The following SF1 variants were observed in gnomAD, a reference collection of about 807,000 sequenced individuals.
The protein encoded by SF1 is splicing factor 1.
A neutral mutation model predicts 62.5 loss-of-function variants in SF1; 7 were observed. The observed-to-expected ratio is 0.11, with a 90% CI of 0.06 to 0.21. The LOEUF (loss-of-function observed/expected upper bound fraction) is 0.21, where lower values mean the gene tolerates loss of function less well. Ranked by LOEUF, SF1 falls within the 10% of genes least tolerant of loss-of-function variation. The probability of loss-of-function intolerance (pLI) is 1.00; values close to 1 mark genes in which losing one functional copy is unlikely to be tolerated. For synonymous variants in SF1, 394 were observed against 323.6 expected (o/e 1.22, Z -2.33); for missense variants, 578 against 884.0 (o/e 0.65, Z 4.39).
At chr11:64,769,657 A>T in intron 5 of SF1, 48 bp from the exon 6 acceptor site, 1 of 1,532,340 alleles carries the variant, frequency 6.5e-7, no homozygotes, top group Admixed American at 1.8e-5. Flanking sequence ...ATTCACACTC[A>T]AGAGGGAAGA....
At chr11:64,769,198 A>T in intron 7 of SF1, 25 bp downstream of exon 7, 1 of 1,610,990 alleles carries the variant, frequency 6.2e-7, no homozygotes, top group East Asian at 2.2e-5. Flanking sequence ...AGGTCTCTAC[A>T]CTCTCCTTTA....
intron 2 of SF1, among the ~76,000 whole-genome samples, chr11:64,775,571 G>A (rs898093533): frequency 6.6e-6 from 1 of 152,192 alleles, no homozygotes; most frequent in African/African-American, 2.4e-5. Context: ...GTAGTAACAT[G>A]CTGGCCTTGA....
At position 64,774,240 on chromosome 11, in the gene SF1, G is replaced by A. The variant is rs376457372; in HGVS notation, c.161-735C>T. On this transcript the variant is annotated intron_variant, in intron 2 of 12. Transcript: ENST00000377390. ...CTAAGAATTTGTTTTCAGGCTCACT[G>A]TTCATATGGGGAGCAGGCGTGTAGA... 1.6e-4 allele frequency among the ~76,000 whole-genome samples: 25 copies of A among 152,334 alleles called. 1 individual carries two copies. The East Asian group carries it at 3.5e-3, about 21-fold the overall frequency.
chr11:64,767,690 T>C lies in SF1; in HGVS notation c.1223A>G (p.His408Arg), dbSNP rs773898642. Residue 408 changes from histidine (H) to arginine (R), a missense_variant, in exon 10 of 13, where the codon CAT (histidine) becomes CGT (arginine). Around this residue, in one of 7 missense-constraint regions of SF1, gnomAD observed 410 missense variants for 452.4 expected, o/e 0.91. Coordinates refer to ENST00000377390, the MANE Select transcript of SF1 (RefSeq NM_004630.4). Reference protein sequence around the residue: ...PHPLPSLTGGHGGHPMQHNPN... With the variant: ...PHPLPSLTGGRGGHPMQHNPN... ...GTTGTGCTGCATGGGATGTCCACCA[T>C]GCCCACCTGTCAGGCTGGGTAATGG... 6.2e-7 allele frequency: 1 copy of C among 1,611,058 alleles called. No homozygotes were observed. Among genetic ancestry groups the C allele is most frequent in the South Asian group, 1.1e-5 (1 of 90,870 alleles).
rs1245648200 is a variant in SF1, at chr11:64,778,214, G to A, written c.31+148C>T. On this transcript the variant is annotated intron_variant, in intron 1 of 12. Coordinates refer to ENST00000377390, the MANE Select transcript of SF1 (RefSeq NM_004630.4). Reference sequence around the variant, plus strand: ...CAGCGCCGCGAAGGGGAAGGCCGCGGTCAGGGCCCCCATCGAGCCCACGGG... The same window carrying A: ...CAGCGCCGCGAAGGGGAAGGCCGCGATCAGGGCCCCCATCGAGCCCACGGG... The A allele has an allele frequency of 1.4e-5, 16 of 1,143,626 alleles. No individual in the cohort carries two copies. In the East Asian group the frequency reaches 1.4e-4, roughly 10 times the overall value. 70.8% of individuals were successfully genotyped at this position (1,143,626 alleles called of 1,614,324 possible).
Position 64,765,480 on chromosome 11 carries a change from C to G in SF1, c.*338G>C, listed in dbSNP as rs758524634. ...CACCAATGGGCGCGGAAAGTCCTCA[C>G]TCTCATGGCTCGGGCCATCGCCGCC... On this transcript the variant is annotated 3_prime_UTR_variant, in exon 13 of 13. Transcript: ENST00000377390. 2 of 1,613,310 alleles carry G rather than the reference C, an allele frequency of 1.2e-6. No homozygotes were observed. Among genetic ancestry groups the G allele is most frequent in the South Asian group, 2.2e-5 (2 of 91,016 alleles).
At chr11:64,770,555 G>A (rs1317809379) in intron 3 of SF1, 147 bp from the exon 4 acceptor site, 2 of 824,340 alleles carry the variant, frequency 2.4e-6, no homozygotes, top group African/African-American at 1.7e-5. Context: ...TGCTACTCAA[G>A]ATCGTGTGGA....
At position 64,769,239 on chromosome 11, in the gene SF1, G is replaced by T. The variant is rs866299948; in HGVS notation, c.763C>A (p.Arg255=). The T allele has an allele frequency of 9.3e-6, 15 of 1,614,080 alleles. No individual in the cohort carries two copies. The highest frequency in any genetic ancestry group is 1.6e-4 in the Middle Eastern group (1 of 6,062). ...ATCACATACCTGTTATCGTCTTCCC[G>T]AAGGGTCCCATTTAAGCGAGCCAAC... ...RELARLNGTL[R]EDDNRILRPW... The change falls in exon 7 of 13, where the codon CGG becomes AGG. Residue 255 remains arginine, a synonymous_variant. Transcript: ENST00000377390.
At chr11:64,770,465 G>T in intron 3 of SF1, 57 bp from the exon 4 acceptor site, 1 of 1,574,454 alleles carries the variant, frequency 6.4e-7, no homozygotes, top group South Asian at 1.1e-5. Context: ...ATTCCCACAC[G>T]GACTATAACA....
chr11:64,777,866 GCCTCCCCGTGCGCGCACGCGCGCCC>G (rs1939601757), intron 1 of SF1: 1 of 933,302 alleles, frequency 1.1e-6, no homozygotes, highest in South Asian at 4.9e-5. Flanking sequence ...CTCCGCCCGG[GCCTCCCCGTGCGCGCACGCGCGCCC>G]CTGCCGCGTG....
intron 2 of SF1, among the ~76,000 whole-genome samples, chr11:64,774,919 C>A (rs1338372696): frequency 6.6e-6 from 1 of 150,976 alleles, no homozygotes. Flanking sequence ...CGAGATCGCA[C>A]CACTACACTC....
At position 64,778,503 on chromosome 11, in the gene SF1, C is replaced by A. The variant is rs1295629539; in HGVS notation, c.-111G>T. On this transcript the variant is annotated 5_prime_UTR_variant, in exon 1 of 13. Coordinates refer to ENST00000377390, the MANE Select transcript of SF1 (RefSeq NM_004630.4). ...ATGCGCTGCCGGAGCGCGCGGAGCC[C>A]GTCCTCTCACGCGGCGGGCGGCGGC... is the stretch of plus-strand genomic sequence containing the variant. The A allele has an allele frequency of 1.5e-5, 18 of 1,178,664 alleles. No individual in the cohort carries two copies. Among genetic ancestry groups the A allele is most frequent in the South Asian group, 4.2e-5 (1 of 23,830 alleles). The allele number at this position is 1,178,664 out of a possible 1,614,324, so 73.0% of individuals were successfully genotyped here. A position where few individuals can be genotyped will look rare whatever the true frequency, so the allele number is the denominator to read the frequency against.
At position 64,764,935 on chromosome 11, in the gene SF1, C is replaced by CCAGGCTGG. The variant is rs1946229363; in HGVS notation, c.*875_*882dup. On this transcript the variant is annotated 3_prime_UTR_variant, in exon 13 of 13. Coordinates refer to ENST00000377390, the MANE Select transcript of SF1 (RefSeq NM_004630.4). ...GTGATCAAGGAGCACAGGAAGAACT[C>CCAGGCTGG]CAGGCTGGCAGGCGAGCCCGAGGGA... 5.2e-5 allele frequency: 8 copies of CCAGGCTGG among 152,428 alleles called. No individual in the cohort carries two copies. Among genetic ancestry groups the CCAGGCTGG allele is most frequent in the Admixed American group, 5.2e-4 (8 of 15,288 alleles). The allele number at this position is 152,428 out of a possible 1,614,324, so 9.4% of individuals were successfully genotyped here. A position where few individuals can be genotyped will look rare whatever the true frequency, so the allele number is the denominator to read the frequency against.
intron 3 of SF1, chr11:64,772,686 T>A: frequency 2.0e-6 from 2 of 985,324 alleles, no homozygotes; most frequent in Non-Finnish European, 2.4e-6. Context: ...AATCAGCTAA[T>A]AAAATTCCAG....
intron 2 of SF1, among the ~76,000 whole-genome samples, chr11:64,775,829 C>T (rs1360741692): frequency 6.6e-6 from 1 of 152,020 alleles, no homozygotes; most frequent in Non-Finnish European, 1.5e-5. Flanking sequence ...CAAATAAAAC[C>T]TTTTTATCCT....
At chr11:64,777,852 G>C in intron 1 of SF1, 1 of 948,046 alleles carries the variant, frequency 1.1e-6, no homozygotes, top group Non-Finnish European at 1.3e-6. Context: ...GCGCCCAGGG[G>C]CGCCTCCGCC....
chr11:64,772,247 C>T, intron 3 of SF1: 1 of 984,698 alleles, frequency 1.0e-6, no homozygotes, highest in Non-Finnish European at 1.2e-6. Flanking sequence ...GACTGGTGAC[C>T]TGTAGACATA....
chr11:64,769,144 A>G lies in SF1; in HGVS notation c.780-15T>C. 1.2e-6 allele frequency: 2 copies of G among 1,612,660 alleles called. No individual in the cohort carries two copies. Among genetic ancestry groups the G allele is most frequent in the Non-Finnish European group, 1.7e-6 (2 of 1,178,648 alleles). On this transcript the variant is annotated splice_polypyrimidine_tract_variant and intron_variant, in intron 7 of 12. Coordinates refer to ENST00000377390, the MANE Select transcript of SF1 (RefSeq NM_004630.4). ...GTCTTAAGATCCTATTAAAGGAAAA[A>G]GAGGTCAATGCAAGGGAACAATCTC...
intron 12 of SF1, 66 bp from the exon 13 acceptor site, chr11:64,766,221 C>T: frequency 2.8e-6 from 3 of 1,086,440 alleles, no homozygotes; most frequent in Non-Finnish European, 3.7e-6. Flanking sequence ...GCGGCTGCTG[C>T]CTTGGGATGG....
Sources: gnomAD v4.1 joint callset for allele counts (sites outside exome capture counted in the v4.1 genomes callset) on GRCh38, gnomAD v4.1.1 for gene constraint, gnomAD v4.1.1 regional missense constraint, MANE v1.5 for transcripts, NCBI Gene and HGNC (gene_info 2026-07-23, HGNC 2026-07-21) for gene names.